The following MTRF1 variants were observed in gnomAD, a reference collection of about 807,000 sequenced individuals.
The protein encoded by MTRF1 is mitochondrial translation release factor 1.
A neutral mutation model predicts 62.9 loss-of-function variants in MTRF1; 51 were observed. The observed-to-expected ratio is 0.81, with a 90% CI of 0.65 to 1.02. MTRF1 has a LOEUF of 1.02. MTRF1 is among the 50% of genes least tolerant of loss of function. The pLI is 0.00. For synonymous variants in MTRF1, 158 were observed against 181.9 expected (o/e 0.87, Z 1.06); for missense variants, 446 against 530.0 (o/e 0.84, Z 1.56).
chr13:41,300,159 T>G, the MTRF1 span, among the ~76,000 whole-genome samples: 3 of 152,308 alleles, frequency 2.0e-5, no homozygotes, highest in African/African-American at 7.2e-5. Context: ...AAGAATGAGA[T>G]GCAGAAAATA....
chr13:41,266,716 G>A (rs369875822), upstream of MTRF1, among the ~76,000 whole-genome samples: 159 of 151,896 alleles, frequency 1.0e-3, 2 homozygotes, highest in South Asian at 0.021. Flanking sequence ...CTGTGATGCC[G>A]GGCGCAGTGG....
chr13:41,279,338 C>A, the MTRF1 span, among the ~76,000 whole-genome samples: 1 of 152,232 alleles, frequency 6.6e-6, no homozygotes, highest in Non-Finnish European at 1.5e-5. Flanking sequence ...GTCTTTGAAG[C>A]CTGCTACCTG....
the MTRF1 span, among the ~76,000 whole-genome samples, chr13:41,298,024 TC>T: frequency 1.3e-5 from 2 of 152,206 alleles, no homozygotes; most frequent in African/African-American, 4.8e-5. Context: ...AAATACATTT[TC>T]CCTTTTTTTT....
Position 41,217,082 on chromosome 13 carries a change from T to C in MTRF1, c.*33A>G, listed in dbSNP as rs953673834. 7.7e-7 allele frequency: 1 copy of C among 1,298,408 alleles called. No individual in the cohort carries two copies. Among genetic ancestry groups the C allele is most frequent in the Non-Finnish European group, 1.1e-6 (1 of 920,390 alleles). The allele number at this position is 1,298,408 out of a possible 1,614,324, so 80.4% of individuals were successfully genotyped here. On this transcript the variant is annotated 3_prime_UTR_variant, in exon 10 of 10. Transcript: ENST00000379480. ...TGCCTCTTGATATAGGTCCATTTCA[T>C]TTATATAATCATAAATAATAATAAG...
intron 5 of MTRF1, among the ~76,000 whole-genome samples, chr13:41,241,067 CAG>C (rs1417953961): frequency 1.3e-5 from 2 of 152,118 alleles, no homozygotes; most frequent in Non-Finnish European, 2.9e-5. Flanking sequence ...GTTGTTGAGA[CAG>C]AGTCTTGCAC....
rs762740600 is a variant in MTRF1 at position 41,223,305 on chromosome 13, T to C, written c.1175A>G (p.Gln392Arg). The C allele has an allele frequency of 6.2e-7, 1 of 1,614,126 alleles. No individual in the cohort carries two copies. The highest frequency in any genetic ancestry group is 1.7e-5 in the Admixed American group (1 of 60,024). The change falls in exon 9 of 10, where the codon CAG becomes CGG. Residue 392 changes from glutamine (Q) to arginine (R), a missense_variant. Gln to Arg is a conservative substitution (Grantham distance 43, BLOSUM62 1). Transcript: ENST00000379480. ...SERIRTYNFT[Q>R]DRVSDHRIAY... ...TATCCTGTGGTCACTGACTCTATCC[T>C]GGGTGAAATTATATGTCCGAATTCG...
At chr13:41,286,688 C>G in the MTRF1 span, among the ~76,000 whole-genome samples, 1 of 152,126 alleles carries the variant, frequency 6.6e-6, no homozygotes, top group East Asian at 1.9e-4. Flanking sequence ...TCCAGTACAC[C>G]CACAACTAAG....
chr13:41,243,251 A>C (rs981288894), intron 5 of MTRF1, among the ~76,000 whole-genome samples: 1 of 151,698 alleles, frequency 6.6e-6, no homozygotes, highest in African/African-American at 2.4e-5. Flanking sequence ...AAAAATAAAA[A>C]TAAAAAAATT....
chr13:41,305,196 A>T, the MTRF1 span, among the ~76,000 whole-genome samples: 2 of 152,198 alleles, frequency 1.3e-5, no homozygotes, highest in Non-Finnish European at 2.9e-5. Flanking sequence ...AGCTGGGACT[A>T]CAGGCATATG....
At chr13:41,248,414 G>A (rs1264652819) in intron 5 of MTRF1, among the ~76,000 whole-genome samples, 10 of 152,182 alleles carry the variant, frequency 6.6e-5, no homozygotes, top group Non-Finnish European at 2.9e-5. Context: ...AAGCCACTAC[G>A]CCCAGCCTCT....
At chr13:41,249,619 CTTTTT>C (rs1166204914) in intron 5 of MTRF1, among the ~76,000 whole-genome samples, 2 of 61,530 alleles carry the variant, frequency 3.3e-5, no homozygotes, top group African/African-American at 7.2e-5. Flanking sequence ...ATTTTTTTTT[CTTTTT>C]TTTTTTTTTT....
chr13:41,236,494 A>G (rs2036603478), intron 6 of MTRF1: 1 of 152,224 alleles, frequency 6.6e-6, no homozygotes, highest in African/African-American at 2.4e-5. Flanking sequence ...GACAGAAAGC[A>G]GATGTGACTT....
At chr13:41,276,433 A>T in the MTRF1 span, among the ~76,000 whole-genome samples, 1 of 152,084 alleles carries the variant, frequency 6.6e-6, no homozygotes, top group Admixed American at 6.6e-5. Context: ...TGGCCTCCTA[A>T]AGTGCTGGGA....
the MTRF1 span, among the ~76,000 whole-genome samples, chr13:41,270,036 A>G: frequency 6.6e-6 from 1 of 152,246 alleles, no homozygotes; most frequent in Non-Finnish European, 1.5e-5. Flanking sequence ...TAAATTTAAG[A>G]TGTAGCTATT....
the MTRF1 span, among the ~76,000 whole-genome samples, chr13:41,301,873 G>T: frequency 6.6e-6 from 1 of 152,170 alleles, no homozygotes; most frequent in South Asian, 2.1e-4. Context: ...TGAAAAGTCT[G>T]TCTGGGTGTG....
At chr13:41,254,684 G>A (rs1399711459) in intron 2 of MTRF1, 64 bp from the exon 3 acceptor site, 1 of 1,202,180 alleles carries the variant, frequency 8.3e-7, no homozygotes, top group African/African-American at 1.5e-5. Context: ...CTCCTAAGTA[G>A]CCATGTTCCT....
chr13:41,296,254 A>T, the MTRF1 span, among the ~76,000 whole-genome samples: 1 of 151,524 alleles, frequency 6.6e-6, no homozygotes, highest in African/African-American at 2.4e-5. Context: ...AAAACTTTTC[A>T]TGAAGATGAG....
chr13:41,220,576 A>T (rs1363414073), intron 9 of MTRF1: 1 of 1,288,374 alleles, frequency 7.8e-7, no homozygotes, highest in East Asian at 5.5e-5. Flanking sequence ...AGGTGATCTC[A>T]CAGAATCCAA....
At chr13:41,226,385 A>T in intron 8 of MTRF1, 47 bp downstream of exon 8, 2 of 1,567,424 alleles carry the variant, frequency 1.3e-6, no homozygotes, top group Non-Finnish European at 1.7e-6. Flanking sequence ...ACAGAAAATG[A>T]CTTTTCTTTA....
Sources: gnomAD v4.1 joint callset for allele counts (sites outside exome capture counted in the v4.1 genomes callset) on GRCh38, gnomAD v4.1.1 for gene constraint, MANE v1.5 for transcripts, NCBI Gene and HGNC (gene_info 2026-07-23, HGNC 2026-07-21) for gene names.